The following GLRA2 variants were observed in gnomAD, a reference collection of about 807,000 sequenced individuals.
The protein encoded by GLRA2 is glycine receptor alpha 2.
Under a neutral mutation model 31.6 loss-of-function variants are expected in GLRA2, and 11 were observed. That is an observed-to-expected ratio of 0.35 (90% confidence interval 0.22 to 0.58). The LOEUF is 0.58. Among genes scored for constraint, GLRA2 ranks in the 20% least tolerant of loss-of-function variants. GLRA2 has a pLI of 0.84. For synonymous variants in GLRA2, 132 were observed against 134.0 expected, an observed-to-expected ratio of 0.99 and a Z score of 0.10; for missense variants, 212 against 351.8, an observed-to-expected ratio of 0.60 and a Z score of 3.18.
At chrX:14,587,543 T>C (rs11797943) in intron 4 of GLRA2, among the ~76,000 whole-genome samples, 25,373 of 111,289 alleles carry the variant, frequency 0.23, 2,745 homozygotes, top group Non-Finnish European at 0.34. Flanking sequence ...TGACCAGTGA[T>C]GATGAACATT....
chrX:14,708,568 C>T (rs2091663840), intron 8 of GLRA2, among the ~76,000 whole-genome samples: 1 of 111,969 alleles, frequency 8.9e-6, no homozygotes, highest in Non-Finnish European at 1.9e-5. Flanking sequence ...CGTGACCTGC[C>T]TTCAGAGTTC....
chrX:14,468,537 T>C, the GLRA2 span, among the ~76,000 whole-genome samples: 36 of 112,373 alleles, frequency 3.2e-4, no homozygotes, highest in Admixed American at 3.2e-3. Flanking sequence ...ATGGAACTTA[T>C]ACTGGGAAAT....
intron 7 of GLRA2, among the ~76,000 whole-genome samples, chrX:14,678,668 T>C (rs2091169109): frequency 8.9e-6 from 1 of 112,108 alleles, no homozygotes; most frequent in African/African-American, 3.2e-5. Flanking sequence ...CTAGCTATTT[T>C]AGTATTATCA....
intron 8 of GLRA2, among the ~76,000 whole-genome samples, chrX:14,700,534 G>C (rs2091524202): frequency 8.9e-6 from 1 of 111,765 alleles, no homozygotes; most frequent in African/African-American, 3.3e-5. Flanking sequence ...AAAATTCATA[G>C]TATCTAAAGA....
At chrX:14,562,753 G>A (rs1009407447) in intron 2 of GLRA2, among the ~76,000 whole-genome samples, 3 of 111,282 alleles carry the variant, frequency 2.7e-5, no homozygotes, top group Non-Finnish European at 5.7e-5. Flanking sequence ...TTTCTCATAA[G>A]GACACCAGTC....
At chrX:14,455,237 G>C in the GLRA2 span, among the ~76,000 whole-genome samples, 2 of 111,791 alleles carry the variant, frequency 1.8e-5, no homozygotes, top group South Asian at 3.7e-4. Flanking sequence ...AACAGGAGAA[G>C]ATAAGTTTAG....
At chrX:14,459,712 C>T in the GLRA2 span, among the ~76,000 whole-genome samples, 38 of 111,711 alleles carry the variant, frequency 3.4e-4, no homozygotes, top group African/African-American at 1.2e-3. Flanking sequence ...GTGATTTTTG[C>T]ACATTGATTT....
intron 7 of GLRA2, among the ~76,000 whole-genome samples, chrX:14,611,882 C>G (rs1429526957): frequency 1.8e-5 from 2 of 112,007 alleles, no homozygotes; most frequent in African/African-American, 6.5e-5. Flanking sequence ...AAAAGTAATT[C>G]TGGCTTTTGT....
At chrX:14,479,546 C>T in the GLRA2 span, among the ~76,000 whole-genome samples, 21 of 111,255 alleles carry the variant, frequency 1.9e-4, no homozygotes, top group African/African-American at 6.5e-4. Flanking sequence ...CCCCTTCTCT[C>T]CAAGTAGTCC....
At chrX:14,593,159 A>G (rs1360461335) in intron 4 of GLRA2, among the ~76,000 whole-genome samples, 1 of 112,112 alleles carries the variant, frequency 8.9e-6, no homozygotes, top group Non-Finnish European at 1.9e-5. Context: ...ACTTTAGTTC[A>G]TTCTCACAGC....
intron 7 of GLRA2, among the ~76,000 whole-genome samples, chrX:14,683,139 A>G (rs1295763052): frequency 6.3e-5 from 7 of 111,914 alleles, no homozygotes; most frequent in Non-Finnish European, 5.6e-5. Context: ...GTCTTCCACA[A>G]TGGTTGAACT....
chrX:14,534,073 C>G (rs748920100), intron 2 of GLRA2, among the ~76,000 whole-genome samples: 1 of 110,720 alleles, frequency 9.0e-6, no homozygotes, highest in Non-Finnish European at 1.9e-5. Context: ...TTTAAGTGAC[C>G]ACACAAGAAT....
intron 7 of GLRA2, among the ~76,000 whole-genome samples, chrX:14,615,140 C>T (rs1334316344): frequency 9.0e-6 from 1 of 111,595 alleles, no homozygotes; most frequent in Admixed American, 9.6e-5. Context: ...GACTTTTATC[C>T]CTATGAGGGC....
intron 7 of GLRA2, among the ~76,000 whole-genome samples, chrX:14,639,966 T>G (rs1160341403): frequency 1.8e-5 from 2 of 112,115 alleles, no homozygotes; most frequent in African/African-American, 6.5e-5. Context: ...TTTCACATAT[T>G]TGGTGATCCA....
At chrX:14,457,072 C>A in the GLRA2 span, among the ~76,000 whole-genome samples, 2 of 111,985 alleles carry the variant, frequency 1.8e-5, no homozygotes, top group African/African-American at 6.5e-5. Flanking sequence ...TGAGATGATA[C>A]TTCACAGTAG....
At chrX:14,602,624 T>C (rs2090289462) in intron 4 of GLRA2, among the ~76,000 whole-genome samples, 2 of 111,111 alleles carry the variant, frequency 1.8e-5, no homozygotes, top group African/African-American at 6.5e-5. Flanking sequence ...TGTGTCATTC[T>C]TATGCCTTTG....
the GLRA2 span, among the ~76,000 whole-genome samples, chrX:14,454,074 C>A: frequency 4.5e-5 from 5 of 110,392 alleles, no homozygotes; most frequent in Non-Finnish European, 9.5e-5. Flanking sequence ...AAGAGGGCAA[C>A]ACTGTGGTGA....
At chrX:14,507,655 C>G in the GLRA2 span, among the ~76,000 whole-genome samples, 1 of 105,204 alleles carries the variant, frequency 9.5e-6, no homozygotes, top group Non-Finnish European at 1.9e-5. Context: ...AAATGTCCGA[C>G]CGACCACTTA....
At chrX:14,590,032 A>G (rs1405636664) in intron 4 of GLRA2, among the ~76,000 whole-genome samples, 1 of 110,763 alleles carries the variant, frequency 9.0e-6, no homozygotes, top group Admixed American at 9.7e-5. Flanking sequence ...CTAATAACCC[A>G]TAAATAATTA....
Sources: allele counts gnomAD v4.1 joint callset (sites outside exome capture counted in the v4.1 genomes callset), GRCh38; gene constraint gnomAD v4.1.1; transcripts MANE v1.5; gene names NCBI Gene and HGNC (gene_info 2026-07-23, HGNC 2026-07-21).